POLD1: variants seen among roughly 807,000 people sequenced by gnomAD.
POLD1 encodes the protein DNA polymerase delta catalytic subunit.
A neutral mutation model predicts 129.7 loss-of-function variants in POLD1; 79 were observed. That is an observed-to-expected ratio of 0.61 (90% confidence interval 0.51 to 0.73). The LOEUF (loss-of-function observed/expected upper bound fraction) is 0.73. Among genes scored for constraint, POLD1 ranks in the 30% least tolerant of loss-of-function variants. The pLI is 0.00. For missense variants in POLD1, 1,338 were observed against 1,595.8 expected (o/e 0.84, Z 2.75); for synonymous variants, 714 against 683.3 (o/e 1.04, Z -0.70).
At position 50,416,453 on chromosome 19, in the gene POLD1, C is replaced by A. The variant is rs761160001; in HGVS notation, c.2878C>A (p.Gln960Lys). Residue 960 changes from glutamine to lysine, a missense_variant, in exon 23 of 27, where the codon CAG becomes AAG. By Grantham distance (53) the Gln-to-Lys change is moderately conservative. This residue lies in a region of POLD1 where 286 missense variants were observed against 277.5 expected (regional missense o/e 1.03). Transcript: ENST00000440232. Reference sequence around the variant, plus strand: ...CATTGACACGCAGTACTACCTGGAGCAGCAGCTGGCCAAGCCCCTCCTGCG... The same window carrying A: ...CATTGACACGCAGTACTACCTGGAGAAGCAGCTGGCCAAGCCCCTCCTGCG... Reference protein sequence around the residue: ...LPIDTQYYLEQQLAKPLLRIF... With the variant: ...LPIDTQYYLEKQLAKPLLRIF... The A allele has an allele frequency of 6.5e-7, 1 of 1,550,066 alleles. No homozygotes were observed. The highest frequency in any genetic ancestry group is 1.2e-5 in the South Asian group (1 of 84,092).
rs762015952 is a variant in POLD1 at position 50,402,195 on chromosome 19, C to G, written c.590-10C>G. On this transcript the variant is annotated splice_polypyrimidine_tract_variant and intron_variant, in intron 5 of 26. Transcript: ENST00000440232. ...GGCCATTGGCTGGTCCCAGCTTCTT[C>G]CATCCACAGGCATGTTTGGGTACCA... The G allele has an allele frequency of 9.5e-6, 15 of 1,583,812 alleles. No individual in the cohort carries two copies. The highest frequency in any genetic ancestry group is 1.3e-5 in the Non-Finnish European group (15 of 1,163,556).
In POLD1 at chr19:50,409,091, C is replaced by A; in HGVS notation, c.1893-31C>A. 6.6e-7 allele frequency: 1 copy of A among 1,512,564 alleles called. No individual in the cohort carries two copies. The allele number at this position is 1,512,564 out of a possible 1,614,324, so 93.7% of individuals were successfully genotyped here. A position where few individuals can be genotyped will look rare whatever the true frequency, so the allele number is the denominator to read the frequency against. ...GAGGTGGGCTGGAGCAGGAGGGTGG[C>A]CGGCAGTCACCCCAACATCTTCCAA... On this transcript the variant is annotated intron_variant, in intron 15 of 26. Transcript: ENST00000440232. The surrounding 1 kb of genome is among the most constrained non-coding windows in gnomAD (Gnocchi z 5.8).
chr19:50,388,072 G>C (rs2038031441), intron 1 of POLD1, among the ~76,000 whole-genome samples: 1 of 152,212 alleles, frequency 6.6e-6, no homozygotes, highest in Non-Finnish European at 1.5e-5. Context: ...CCAGACACAA[G>C]AGGCTGCATA....
intron 8 of POLD1, 150 bp downstream of exon 8, chr19:50,402,891 G>A: frequency 7.5e-7 from 1 of 1,341,332 alleles, no homozygotes; most frequent in African/African-American, 1.4e-5. Flanking sequence ...AGCACAGAGG[G>A]TGTGGAGATG....
At chr19:50,389,843 C>T (rs566520777) in intron 1 of POLD1, among the ~76,000 whole-genome samples, 2 of 151,762 alleles carry the variant, frequency 1.3e-5, no homozygotes, top group Admixed American at 6.6e-5. Flanking sequence ...GCCTTGGGCT[C>T]CCAAAGTGCT....
rs2037894524 is a variant in POLD1 at position 50,384,396 on chromosome 19, T to G, written c.-2+6T>G. ...GGAAACGCTGTTTGAAGCGGGTGAG[T>G]AGAGGGGAAAAAGGGAGTTCGGGGC... On this transcript the variant is annotated splice_donor_region_variant and intron_variant, in intron 1 of 26. Transcript: ENST00000440232. 1 of 149,190 alleles carries G rather than the reference T, an allele frequency of 6.7e-6. No individual in the cohort carries two copies. Among genetic ancestry groups the G allele is most frequent in the Non-Finnish European group, 1.5e-5 (1 of 67,342 alleles). The allele number at this position is 149,190 out of a possible 1,614,324, so 9.2% of individuals were successfully genotyped here. A position where few individuals can be genotyped will look rare whatever the true frequency, so the allele number is the denominator to read the frequency against.
chr19:50,401,896 T>C lies in POLD1; in HGVS notation c.435T>C (p.Ala145=), dbSNP rs935931842. 6 of 1,613,780 alleles carry C rather than the reference T, an allele frequency of 3.7e-6. No individual in the cohort carries two copies. The highest frequency in any genetic ancestry group is 5.1e-6 in the Non-Finnish European group (6 of 1,179,922). The change falls in exon 4 of 27, where the codon GCT becomes GCC. Residue 145 remains alanine, a synonymous_variant. Coordinates refer to ENST00000440232, the MANE Select transcript of POLD1 (RefSeq NM_002691.4). ...FSVCCHIHGF[A]PYFYTPAPPG... ...TCTGCTGCCACATCCACGGCTTCGC[T>C]CCCTACTTCTACACCCCAGCGCCCC...
chr19:50,401,563 A>G (rs1388613392), intron 3 of POLD1, among the ~76,000 whole-genome samples: 7 of 151,778 alleles, frequency 4.6e-5, no homozygotes, highest in African/African-American at 1.7e-4. Flanking sequence ...CTTGTAATAA[A>G]AAAGAAGGGC....
At chr19:50,384,577 G>C (rs566162972) in intron 1 of POLD1, among the ~76,000 whole-genome samples, 187 bp downstream of exon 1, 3 of 152,030 alleles carry the variant, frequency 2.0e-5, no homozygotes, top group Non-Finnish European at 2.9e-5. Flanking sequence ...AGGCCGGGGT[G>C]GGGGTGGAAT....
intron 1 of POLD1, among the ~76,000 whole-genome samples, chr19:50,390,912 G>A (rs2038136076): frequency 6.6e-6 from 1 of 152,178 alleles, no homozygotes; most frequent in Non-Finnish European, 1.5e-5. Context: ...TAGATTAACA[G>A]CATCCCAAGG....
chr19:50,385,312 G>C (rs2037932576), intron 1 of POLD1, among the ~76,000 whole-genome samples: 1 of 152,156 alleles, frequency 6.6e-6, no homozygotes, highest in African/African-American at 2.4e-5. Context: ...TAGGAGCAAG[G>C]GGAAGAGTCC....
chr19:50,412,973 C>A (rs1250940599), intron 17 of POLD1, among the ~76,000 whole-genome samples: 1 of 152,096 alleles, frequency 6.6e-6, no homozygotes, highest in African/African-American at 2.4e-5. Flanking sequence ...GGTGGTGCCA[C>A]CCCCTGCTCT....
intron 1 of POLD1, among the ~76,000 whole-genome samples, chr19:50,391,441 A>G (rs2038164848): frequency 6.6e-6 from 1 of 152,172 alleles, no homozygotes. Context: ...TCCGTCTGCA[A>G]TCCCGGCACC....
rs878854536 is a variant in POLD1, at chr19:50,414,850, C to A, written c.2424C>A (p.Arg808=). The change falls in exon 20 of 27, where the codon CGC becomes CGA. Residue 808 remains arginine, a synonymous_variant. Transcript: ENST00000440232. ...CATACCTGCTTATCAGCAAGAAGCGCTACGCGGGCCTGCTCTTCTCCTCCC... is the reference window on the plus strand; with the variant it reads ...CATACCTGCTTATCAGCAAGAAGCGATACGCGGGCCTGCTCTTCTCCTCCC... The part of the protein sequence containing the change: ...YFPYLLISKK[R]YAGLLFSSRP... 23 of 1,596,456 alleles carry A rather than the reference C, an allele frequency of 1.4e-5. No individual in the cohort carries two copies. Among genetic ancestry groups the A allele is most frequent in the Non-Finnish European group, 1.9e-5 (22 of 1,168,920 alleles).
chr19:50,396,419 A>G (rs552912484), intron 1 of POLD1, among the ~76,000 whole-genome samples: 9 of 140,578 alleles, frequency 6.4e-5, no homozygotes, highest in Non-Finnish European at 1.3e-4. Context: ...TATCTTGTAC[A>G]TTGTATATCT....
At chr19:50,391,511 C>G (rs1214879897) in intron 1 of POLD1, among the ~76,000 whole-genome samples, 1 of 152,184 alleles carries the variant, frequency 6.6e-6, no homozygotes, top group African/African-American at 2.4e-5. Context: ...GCCCGGCCAA[C>G]ACGGCGAAAC....
chr19:50,399,331 A>T (rs1300126625), intron 2 of POLD1, 40 bp from the exon 3 acceptor site: 2 of 1,499,170 alleles, frequency 1.3e-6, no homozygotes, highest in East Asian at 4.5e-5. Context: ...GGGGAAGACC[A>T]TGACTCCATG....
In POLD1 at chr19:50,389,401, C is replaced by T. The variant is rs181966094; in HGVS notation, c.-2+5011C>T. Among the ~76,000 whole-genome samples, 263 of 152,054 alleles carry T rather than the reference C, an allele frequency of 1.7e-3. 1 individual carries two copies. The highest frequency in any genetic ancestry group is 5.9e-3 in the African/African-American group (244 of 41,502). On this transcript the variant is annotated intron_variant, in intron 1 of 26. Transcript: ENST00000440232. ...CCTCCAAATGTCCTGGGATTACAGC[C>T]GTGAGCCACCGTACCTGGCCTCCAG...
chr19:50,385,850 T>TC (rs140064866), intron 1 of POLD1, among the ~76,000 whole-genome samples: 6 of 151,010 alleles, frequency 4.0e-5, no homozygotes, highest in Admixed American at 3.3e-4. Flanking sequence ...TTCCTGCACT[T>TC]CCCCCCCACA....
Sources: gnomAD v4.1 joint callset for allele counts (sites outside exome capture counted in the v4.1 genomes callset) on GRCh38, gnomAD v4.1.1 for gene constraint, gnomAD v4.1.1 regional missense constraint, Gnocchi (gnomAD v3.1) non-coding constraint, MANE v1.5 for transcripts, NCBI Gene and HGNC (gene_info 2026-07-23, HGNC 2026-07-21) for gene names.